The following SLC35F3 variants were observed in gnomAD, a reference collection of about 807,000 sequenced individuals.
SLC35F3 encodes putative thiamine transporter SLC35F3.
Under a neutral mutation model 49.9 loss-of-function variants are expected in SLC35F3, and 25 were observed. The observed-to-expected ratio is 0.50, with a 90% CI of 0.37 to 0.70. SLC35F3 has a LOEUF of 0.70. SLC35F3 is among the 30% of genes least tolerant of loss of function. The pLI is 0.00. For missense variants in SLC35F3, 525 were observed against 639.8 expected, an observed-to-expected ratio of 0.82 and a Z score of 1.94; for synonymous variants, 275 against 265.4, an observed-to-expected ratio of 1.04 and a Z score of -0.35.
At position 234,117,316 on chromosome 1, in the gene SLC35F3, G is replaced by A. The variant is rs535108504; in HGVS notation, c.284-114101G>A. On this transcript the variant is annotated intron_variant, in intron 2 of 7. Transcript: ENST00000366618. The stretch of plus-strand genomic sequence containing the variant: ...CCTAATACAATATACAAGAGGCCAG[G>A]TGCAGTGGCTCACGCCTGTAATCCC... 2.6e-5 allele frequency among the ~76,000 whole-genome samples: 4 copies of A among 152,296 alleles called. No individual in the cohort carries two copies. In the South Asian group the frequency reaches 8.3e-4, roughly 32 times the overall value.
Position 234,066,830 on chromosome 1 carries a change from CCACACACACACACACACACACACACACA to C in SLC35F3, c.283+161091_283+161118del, listed in dbSNP as rs61401819. ...CTCTCTGTCTCTGTCCCTCTCTCTC[CCACACACACACACACACACACACACACA>C]CACACACACACACACACAATTATAT... On this transcript the variant is annotated intron_variant, in intron 2 of 7. Transcript: ENST00000366618. Among the ~76,000 whole-genome samples, 7 of 135,120 alleles carry C rather than the reference CCACACACACACACACACACACACACACA, an allele frequency of 5.2e-5. No homozygotes were observed. In the Admixed American group the frequency reaches 5.2e-4, roughly 10 times the overall value. The allele number at this position is 135,120 out of a possible 152,430, so 88.6% of individuals were successfully genotyped here.
At chr1:234,145,191 C>T (rs1007295395) in intron 2 of SLC35F3, among the ~76,000 whole-genome samples, 3 of 152,154 alleles carry the variant, frequency 2.0e-5, no homozygotes, top group Non-Finnish European at 4.4e-5. Context: ...CGCACTGTCC[C>T]GCTGTGAGTG....
chr1:234,236,915 A>T (rs1572108606), intron 3 of SLC35F3, among the ~76,000 whole-genome samples: 2 of 43,052 alleles, frequency 4.6e-5, no homozygotes, highest in Middle Eastern at 8.3e-3. Flanking sequence ...GTCTCCTATT[A>T]AAAAAAAAAT....
chr1:234,161,699 A>C (rs1242082490), intron 2 of SLC35F3, among the ~76,000 whole-genome samples: 1 of 152,168 alleles, frequency 6.6e-6, no homozygotes, highest in African/African-American at 2.4e-5. Flanking sequence ...TTAGCTACTA[A>C]GGAGGCTGAG....
chr1:234,226,961 G>GCACACA (rs57809897), intron 2 of SLC35F3, among the ~76,000 whole-genome samples: 8,770 of 148,654 alleles, frequency 0.059, 317 homozygotes, highest in African/African-American at 0.094. Context: ...GCGCACGCGT[G>GCACACA]CACACACACA....
At chr1:234,114,207 AT>A (rs1440369770) in intron 2 of SLC35F3, among the ~76,000 whole-genome samples, 2 of 152,240 alleles carry the variant, frequency 1.3e-5, no homozygotes, top group East Asian at 3.8e-4. Flanking sequence ...TTCTTTGGAA[AT>A]TTATATCATG....
intron 3 of SLC35F3, among the ~76,000 whole-genome samples, chr1:234,269,885 C>T (rs113044509): frequency 2.0e-5 from 3 of 152,282 alleles, no homozygotes; most frequent in Non-Finnish European, 2.9e-5. Context: ...GCTCCCCTTC[C>T]GCTTCTGCCA....
intron 2 of SLC35F3, among the ~76,000 whole-genome samples, chr1:233,920,346 G>C (rs1571979480): frequency 6.6e-6 from 1 of 152,234 alleles, no homozygotes; most frequent in Admixed American, 6.5e-5. Context: ...TTGAGTGGAA[G>C]GCAAGAGTGG....
At position 234,309,123 on chromosome 1, in the gene SLC35F3, G is replaced by A. The variant is rs1657286166; in HGVS notation, c.631G>A (p.Asp211Asn). 9.3e-6 allele frequency: 15 copies of A among 1,613,948 alleles called. No homozygotes were observed. Among genetic ancestry groups the A allele is most frequent in the Non-Finnish European group, 1.2e-5 (14 of 1,179,972 alleles). The stretch of plus-strand genomic sequence containing the variant: ...TAGGGAATGCTGTCGATTTTTTGGA[G>A]ACAATGGCTTGACTTTGAAGGTGTT... ...RYRECCRFFG[D>N]NGLTLKVFFT... is the part of the protein sequence containing the mutation. Residue 211 changes from aspartate to asparagine, a missense_variant, in exon 4 of 8, where the codon GAC becomes AAC. Physicochemically the swap from Asp to Asn is conservative, Grantham distance 23 (BLOSUM62 1). Around this residue, in one of 4 missense-constraint regions of SLC35F3, gnomAD observed 216 missense variants for 298.1 expected, o/e 0.72. Transcript: ENST00000366618.
At chr1:234,014,608 A>C (rs1663774967) in intron 2 of SLC35F3, among the ~76,000 whole-genome samples, 1 of 152,208 alleles carries the variant, frequency 6.6e-6, no homozygotes, top group South Asian at 2.1e-4. Context: ...AACTGTTAGA[A>C]GTAATAAATG....
At chr1:234,023,527 A>C (rs149101900) in intron 2 of SLC35F3, among the ~76,000 whole-genome samples, 2 of 152,312 alleles carry the variant, frequency 1.3e-5, no homozygotes, top group African/African-American at 4.8e-5. Context: ...GAGAGGAGAC[A>C]AATCTCCTTT....
At chr1:233,985,119 C>T (rs1238512729) in intron 2 of SLC35F3, among the ~76,000 whole-genome samples, 3 of 152,144 alleles carry the variant, frequency 2.0e-5, no homozygotes, top group Non-Finnish European at 4.4e-5. Flanking sequence ...GTCTGCTCAA[C>T]GGCCCTTAAA....
intron 4 of SLC35F3, 33 bp from the exon 5 acceptor site, chr1:234,316,569 T>C (rs377176090): frequency 1.3e-6 from 2 of 1,587,208 alleles, no homozygotes; most frequent in South Asian, 1.1e-5. Flanking sequence ...CCGTCCCGAC[T>C]TCCCTGACCA....
At chr1:234,040,609 G>A (rs2102852896) in intron 2 of SLC35F3, among the ~76,000 whole-genome samples, 1 of 152,330 alleles carries the variant, frequency 6.6e-6, no homozygotes, top group East Asian at 1.9e-4. Flanking sequence ...TTTCCTTTGT[G>A]GGTTGGCTGC....
In SLC35F3 at chr1:234,044,849, G is replaced by A. The variant is rs372773974; in HGVS notation, c.283+139091G>A. On this transcript the variant is annotated intron_variant, in intron 2 of 7. Transcript: ENST00000366618. ...ATCATATGGGTGGTAGTTATCATAT[G>A]TTTTTCTAAATGAAGCATTTACTTA... Among the ~76,000 whole-genome samples the A allele has an allele frequency of 2.6e-5, 4 of 152,026 alleles. No individual in the cohort carries two copies. The South Asian group carries it at 8.3e-4, about 32-fold the overall frequency.
At chr1:234,060,442 GTATT>G (rs932633324) in intron 2 of SLC35F3, among the ~76,000 whole-genome samples, 1 of 152,038 alleles carries the variant, frequency 6.6e-6, no homozygotes, top group Non-Finnish European at 1.5e-5. Flanking sequence ...TCCTATTTAT[GTATT>G]TATTTATTTA....
chr1:234,323,051 G>C lies in SLC35F3; in HGVS notation c.1281G>C (p.Arg427=), dbSNP rs1169581837. ...YTSQIVFNGV[R]VIAIIIIGLG... ...GTCAGATCGTCTTCAATGGGGTCCG[G>C]GTCATCGCCATCATCATCATCGGCC... The change falls in exon 8 of 8, where the codon CGG becomes CGC. Residue 427 remains arginine (R), a synonymous_variant. Transcript: ENST00000366618. This position sits in a 1 kb window ranked among gnomAD's most constrained non-coding sequence, Gnocchi z 4.5. The C allele has an allele frequency of 4.3e-6, 7 of 1,614,024 alleles. No homozygotes were observed. Among genetic ancestry groups the C allele is most frequent in the Non-Finnish European group, 5.9e-6 (7 of 1,180,024 alleles).
At chr1:234,163,109 T>C (rs940701793) in intron 2 of SLC35F3, among the ~76,000 whole-genome samples, 1 of 152,214 alleles carries the variant, frequency 6.6e-6, no homozygotes, top group African/African-American at 2.4e-5. Context: ...CCCTCTCCCT[T>C]GAAGGTTGCT....
intron 3 of SLC35F3, among the ~76,000 whole-genome samples, chr1:234,234,329 C>A (rs1438220352): frequency 6.6e-6 from 1 of 152,118 alleles, no homozygotes; most frequent in African/African-American, 2.4e-5. Flanking sequence ...AGCTTCTTTT[C>A]TCTAAACCCT....
Sources: gnomAD v4.1 joint callset for allele counts (sites outside exome capture counted in the v4.1 genomes callset) on GRCh38, gnomAD v4.1.1 for gene constraint, gnomAD v4.1.1 regional missense constraint, Gnocchi (gnomAD v3.1) non-coding constraint, MANE v1.5 for transcripts, NCBI Gene and HGNC (gene_info 2026-07-23, HGNC 2026-07-21) for gene names.